ANKRD31: variants seen among roughly 807,000 people sequenced by gnomAD.
ANKRD31 encodes the protein ankyrin repeat domain-containing protein 31.
In ANKRD31, 147 loss-of-function variants were observed where a neutral mutation model predicts 186.0. The observed-to-expected ratio is 0.79, with a 90% CI of 0.69 to 0.91. The LOEUF (loss-of-function observed/expected upper bound fraction) is 0.91, where lower values mean the gene tolerates loss of function less well. Ranked by LOEUF, ANKRD31 falls within the 40% of genes least tolerant of loss-of-function variation. The pLI is 0.00. For missense variants in ANKRD31, 1,986 were observed against 2,148.8 expected, an observed-to-expected ratio of 0.92 and a Z score of 1.50; for synonymous variants, 673 against 736.4, an observed-to-expected ratio of 0.91 and a Z score of 1.39.
At chr5:75,114,155 T>G (rs989015964) in intron 19 of ANKRD31, among the ~76,000 whole-genome samples, 1 of 152,204 alleles carries the variant, frequency 6.6e-6, no homozygotes, top group African/African-American at 2.4e-5. Flanking sequence ...AAGTTACCTT[T>G]ACATGATGGG....
rs150527188 is a variant in ANKRD31 at position 75,126,396 on chromosome 5, C to A, written c.3877-8099G>T. On this transcript the variant is annotated intron_variant, in intron 17 of 25. Transcript: ENST00000506364. ...GGCAGAGGTTGCAGTGACCAGAGAA[C>A]GTGACACTGCACCCCAATATGGGTG... 3.9e-3 allele frequency among the ~76,000 whole-genome samples: 587 copies of A among 152,136 alleles called. 7 individuals are homozygous for A. Among genetic ancestry groups the A allele is most frequent in the African/African-American group, 0.014 (566 of 41,510 alleles).
chr5:75,154,887 C>T (rs1421875522), intron 11 of ANKRD31, among the ~76,000 whole-genome samples: 2 of 152,100 alleles, frequency 1.3e-5, no homozygotes, highest in African/African-American at 4.8e-5. Flanking sequence ...GTTACTACTT[C>T]TCAAACAACC....
intron 19 of ANKRD31, among the ~76,000 whole-genome samples, chr5:75,115,175 T>A (rs1580353697): frequency 6.6e-6 from 1 of 150,390 alleles, no homozygotes; most frequent in East Asian, 1.9e-4. Flanking sequence ...CCCTATTTAA[T>A]AAATGGTGCT....
At chr5:75,148,484 G>T in intron 13 of ANKRD31, 92 bp downstream of exon 13, 2 of 861,848 alleles carry the variant, frequency 2.3e-6, no homozygotes, top group Non-Finnish European at 3.4e-6. Flanking sequence ...TATTACTAAA[G>T]CTTCAGCAGT....
At chr5:75,137,791 T>G (rs751258762) in intron 17 of ANKRD31, 65 bp downstream of exon 17, 256 of 1,296,140 alleles carry the variant, frequency 2.0e-4, no homozygotes, top group Non-Finnish European at 2.5e-4. Context: ...GTTTAAAAAA[T>G]CTTCATTTTC....
At chr5:75,125,660 C>T (rs1322297635) in intron 17 of ANKRD31, among the ~76,000 whole-genome samples, 1 of 152,162 alleles carries the variant, frequency 6.6e-6, no homozygotes, top group African/African-American at 2.4e-5. Flanking sequence ...AAAAGATTCA[C>T]TTAATATATT....
At chr5:75,119,206 G>T (rs1340961391) in intron 17 of ANKRD31, among the ~76,000 whole-genome samples, 2 of 152,168 alleles carry the variant, frequency 1.3e-5, no homozygotes, top group Non-Finnish European at 2.9e-5. Flanking sequence ...CACCCAGGTA[G>T]TAAGCATAGT....
At chr5:75,235,772 G>A (rs937134471) in intron 1 of ANKRD31, among the ~76,000 whole-genome samples, 2 of 152,180 alleles carry the variant, frequency 1.3e-5, no homozygotes, top group African/African-American at 2.4e-5. Flanking sequence ...AGTGTGGACA[G>A]AATCCCCCTT....
Position 75,193,382 on chromosome 5 carries a change from T to C in ANKRD31, c.1227A>G (p.Pro409=). Residue 409 remains proline, a synonymous_variant, in exon 8 of 26, where the codon CCA becomes CCG. Transcript: ENST00000506364. ...CAAGGATTTTTGGTAAAATCTTTTCTGGCATCTTATACATGTGATCTGAGT... is the reference window on the plus strand; with the variant it reads ...CAAGGATTTTTGGTAAAATCTTTTCCGGCATCTTATACATGTGATCTGAGT... ...AKYSDHMYKM[P]EKILPKILGC... The C allele has an allele frequency of 6.5e-7, 1 of 1,537,112 alleles. No individual in the cohort carries two copies. Among genetic ancestry groups the C allele is most frequent in the Non-Finnish European group, 8.7e-7 (1 of 1,146,752 alleles).
At chr5:75,133,389 A>G (rs924802513) in intron 17 of ANKRD31, among the ~76,000 whole-genome samples, 18 of 152,208 alleles carry the variant, frequency 1.2e-4, no homozygotes, top group African/African-American at 3.6e-4. Flanking sequence ...CAGACTTTAA[A>G]CCAACAAAGA....
At chr5:75,214,516 C>T (rs1363578) in intron 3 of ANKRD31, among the ~76,000 whole-genome samples, 79,603 of 152,110 alleles carry the variant, frequency 0.52, 24,681 homozygotes, top group African/African-American at 0.88. Flanking sequence ...AGAGAGAATG[C>T]TACCTGCCCA....
Position 75,138,998 on chromosome 5 carries a change from A to T in ANKRD31, c.3596-15T>A. The T allele has an allele frequency of 3.9e-6, 6 of 1,535,402 alleles. No individual in the cohort carries two copies. Among genetic ancestry groups the T allele is most frequent in the Non-Finnish European group, 5.2e-6 (6 of 1,146,044 alleles). ...TGCTTTCATTCCTGTAAATTTGCCAAACAAGAGGTTTATTTTCTGCCAAAT... is the reference window on the plus strand; with the variant it reads ...TGCTTTCATTCCTGTAAATTTGCCATACAAGAGGTTTATTTTCTGCCAAAT... On this transcript the variant is annotated splice_polypyrimidine_tract_variant and intron_variant, in intron 15 of 25. Coordinates refer to ENST00000506364, the MANE Select transcript of ANKRD31 (RefSeq NM_001372053.1).
At chr5:75,179,769 C>A (rs930793915) in intron 10 of ANKRD31, among the ~76,000 whole-genome samples, 5 of 152,094 alleles carry the variant, frequency 3.3e-5, no homozygotes, top group African/African-American at 1.2e-4. Context: ...AACCCACAGC[C>A]AATATCATAC....
chr5:75,169,254 T>C, intron 10 of ANKRD31, 133 bp from the exon 11 acceptor site: 2 of 1,062,992 alleles, frequency 1.9e-6, no homozygotes, highest in Non-Finnish European at 2.6e-6. Context: ...CAAGATAGTA[T>C]CACCTGAAAG....
chr5:75,192,989 C>T (rs542603041), intron 8 of ANKRD31, among the ~76,000 whole-genome samples: 4 of 152,188 alleles, frequency 2.6e-5, no homozygotes, highest in African/African-American at 9.6e-5. Context: ...TCTCTTTGCG[C>T]GACCTGTGGG....
At chr5:75,227,241 G>A (rs1757687387) in intron 2 of ANKRD31, among the ~76,000 whole-genome samples, 1 of 152,164 alleles carries the variant, frequency 6.6e-6, no homozygotes, top group African/African-American at 2.4e-5. Flanking sequence ...TGAACTCATG[G>A]AGATAAGGAG....
At chr5:75,095,681 A>G (rs1746266314) in intron 22 of ANKRD31, among the ~76,000 whole-genome samples, 1 of 152,164 alleles carries the variant, frequency 6.6e-6, no homozygotes. Flanking sequence ...CTTGGGTTTG[A>G]GTAATCTTTA....
intron 14 of ANKRD31, among the ~76,000 whole-genome samples, chr5:75,145,298 T>C (rs973359771): frequency 6.6e-6 from 1 of 152,128 alleles, no homozygotes; most frequent in African/African-American, 2.4e-5. Context: ...TGTATGTTTA[T>C]TGTGGCACTG....
chr5:75,080,766 T>C (rs1745020543), intron 24 of ANKRD31, 127 bp from the exon 25 acceptor site: 1 of 492,006 alleles, frequency 2.0e-6, no homozygotes, highest in Non-Finnish European at 3.4e-6. Flanking sequence ...TTAGGAGAGA[T>C]GATTTAAAAA....
Sources: gnomAD v4.1 joint callset for allele counts (sites outside exome capture counted in the v4.1 genomes callset) on GRCh38, gnomAD v4.1.1 for gene constraint, MANE v1.5 for transcripts, NCBI Gene and HGNC (gene_info 2026-07-23, HGNC 2026-07-21) for gene names.